ZC3H12B: variants seen among roughly 807,000 people sequenced by gnomAD.
The protein encoded by ZC3H12B is probable ribonuclease ZC3H12B.
In ZC3H12B, 7 loss-of-function variants were observed where a neutral mutation model predicts 43.9. That is an observed-to-expected ratio of 0.16 (90% CI 0.09 to 0.30). ZC3H12B has a LOEUF of 0.30. Ranked by LOEUF, ZC3H12B falls within the 10% of genes least tolerant of loss-of-function variation. The probability of loss-of-function intolerance (pLI) is 1.00; values close to 1 mark genes in which losing one functional copy is unlikely to be tolerated. For missense variants in ZC3H12B, 475 were observed against 670.2 expected, an observed-to-expected ratio of 0.71 and a Z score of 3.22; for synonymous variants, 222 against 241.7, an observed-to-expected ratio of 0.92 and a Z score of 0.76.
At chrX:65,245,451 TG>T in the ZC3H12B span, among the ~76,000 whole-genome samples, 23 of 111,608 alleles carry the variant, frequency 2.1e-4, no homozygotes, top group Non-Finnish European at 4.3e-4. Flanking sequence ...AAAAAATAAC[TG>T]GCAAACAGAA....
At chrX:65,127,519 A>C in the ZC3H12B span, among the ~76,000 whole-genome samples, 8 of 110,802 alleles carry the variant, frequency 7.2e-5, no homozygotes, top group Non-Finnish European at 1.3e-4. Context: ...GAGGATGCAA[A>C]CTTGCCCTAG....
chrX:65,438,349 G>T (rs934675991), intron 3 of ZC3H12B, among the ~76,000 whole-genome samples: 3 of 111,860 alleles, frequency 2.7e-5, no homozygotes, highest in African/African-American at 9.8e-5. Flanking sequence ...TCCAATCCAT[G>T]ATATGGAATA....
chrX:65,389,835 G>A (rs1192383258), intron 2 of ZC3H12B, among the ~76,000 whole-genome samples: 4 of 112,475 alleles, frequency 3.6e-5, no homozygotes, highest in Non-Finnish European at 7.5e-5. Context: ...CAACCATTGT[G>A]GAAGACAGTG....
At chrX:65,229,417 A>T in the ZC3H12B span, among the ~76,000 whole-genome samples, 1 of 107,632 alleles carries the variant, frequency 9.3e-6, no homozygotes, top group African/African-American at 3.4e-5. Context: ...GTTAGACCTA[A>T]AACCATAAAA....
At chrX:65,279,640 C>A in the ZC3H12B span, among the ~76,000 whole-genome samples, 1 of 111,516 alleles carries the variant, frequency 9.0e-6, no homozygotes, top group African/African-American at 3.3e-5. Flanking sequence ...CTAACCAATA[C>A]CATCCTGGAC....
At chrX:65,057,532 A>C in the ZC3H12B span, among the ~76,000 whole-genome samples, 1 of 111,151 alleles carries the variant, frequency 9.0e-6, no homozygotes, top group Non-Finnish European at 1.9e-5. Flanking sequence ...CCTTCATTTC[A>C]ACTTTGGTGA....
chrX:65,441,526 A>T (rs982879340), intron 3 of ZC3H12B, among the ~76,000 whole-genome samples: 11 of 111,609 alleles, frequency 9.9e-5, no homozygotes, highest in Non-Finnish European at 1.7e-4. Flanking sequence ...ACTTCTTCCC[A>T]TTCCCACATA....
chrX:65,379,355 C>G (rs187587836), intron 2 of ZC3H12B, among the ~76,000 whole-genome samples: 1 of 110,893 alleles, frequency 9.0e-6, no homozygotes, highest in Non-Finnish European at 1.9e-5. Context: ...AGACGGACAC[C>G]TCACACGGCC....
intron 3 of ZC3H12B, among the ~76,000 whole-genome samples, chrX:65,451,579 A>G (rs1181037252): frequency 9.0e-6 from 1 of 111,308 alleles, no homozygotes; most frequent in Non-Finnish European, 1.9e-5. Flanking sequence ...GCCTTAAGTA[A>G]TCCTTCTGCC....
At chrX:65,180,422 G>C in the ZC3H12B span, among the ~76,000 whole-genome samples, 23 of 111,712 alleles carry the variant, frequency 2.1e-4, no homozygotes, top group East Asian at 3.1e-3. Context: ...AAACCTGGAA[G>C]CATTTCTTTT....
chrX:65,322,792 T>C, the ZC3H12B span, among the ~76,000 whole-genome samples: 1 of 111,831 alleles, frequency 8.9e-6, no homozygotes, highest in African/African-American at 3.2e-5. Flanking sequence ...AATGAAATTT[T>C]GATCAGAATA....
At chrX:65,187,477 G>A in the ZC3H12B span, among the ~76,000 whole-genome samples, 1 of 111,031 alleles carries the variant, frequency 9.0e-6, no homozygotes, top group African/African-American at 3.3e-5. Context: ...TACCATGATA[G>A]GAAAATACAT....
At chrX:65,240,050 C>T in the ZC3H12B span, among the ~76,000 whole-genome samples, 251 of 111,026 alleles carry the variant, frequency 2.3e-3, 2 homozygotes, top group African/African-American at 7.7e-3. Flanking sequence ...GATTATGTGT[C>T]TTGGGGTTGA....
chrX:65,506,314 G>GA (rs1445562136), exon 5 of ZC3H12B: 4 of 112,349 alleles, frequency 3.6e-5, no homozygotes, highest in African/African-American at 1.3e-4. Flanking sequence ...TCTACAAATG[G>GA]AGCTATACAA....
chrX:65,058,654 G>T, the ZC3H12B span, among the ~76,000 whole-genome samples: 5 of 112,099 alleles, frequency 4.5e-5, no homozygotes, highest in Non-Finnish European at 9.4e-5. Context: ...CTTTTGTTCG[G>T]CTGTGCCCTG....
At chrX:65,479,872 T>C (rs981901538) in intron 3 of ZC3H12B, among the ~76,000 whole-genome samples, 2 of 112,403 alleles carry the variant, frequency 1.8e-5, no homozygotes, top group Admixed American at 1.9e-4. Flanking sequence ...AAGGGCTCCA[T>C]TACAGAATTT....
chrX:65,402,725 A>C (rs1207623750), intron 3 of ZC3H12B, among the ~76,000 whole-genome samples: 2 of 112,681 alleles, frequency 1.8e-5, no homozygotes, highest in Non-Finnish European at 3.7e-5. Context: ...ACGACCATCA[A>C]GGTGCAACTT....
At chrX:65,462,506 A>C (rs1267080232) in intron 3 of ZC3H12B, among the ~76,000 whole-genome samples, 1 of 112,077 alleles carries the variant, frequency 8.9e-6, no homozygotes, top group Non-Finnish European at 1.9e-5. Flanking sequence ...GTCTCAAAAA[A>C]ATAAATAAAA....
chrX:65,227,197 G>C, the ZC3H12B span, among the ~76,000 whole-genome samples: 1 of 111,620 alleles, frequency 9.0e-6, no homozygotes, highest in African/African-American at 3.3e-5. Context: ...AGACCACAGT[G>C]CAATCAAACT....
Sources: gnomAD v4.1 joint callset for allele counts (sites outside exome capture counted in the v4.1 genomes callset) on GRCh38, gnomAD v4.1.1 for gene constraint, MANE v1.5 for transcripts, NCBI Gene and HGNC (gene_info 2026-07-23, HGNC 2026-07-21) for gene names.